The following PCDH7 variants were observed in gnomAD, a reference collection of about 807,000 sequenced individuals.
PCDH7 encodes the protein protocadherin 7.
A neutral mutation model predicts 58.9 loss-of-function variants in PCDH7; 17 were observed. The observed-to-expected ratio is 0.29, with a 90% CI of 0.20 to 0.43. PCDH7 has a LOEUF of 0.43. Ranked by LOEUF, PCDH7 falls within the 20% of genes least tolerant of loss-of-function variation. The pLI is 1.00. For synonymous variants in PCDH7, 664 were observed against 616.4 expected, an observed-to-expected ratio of 1.08 and a Z score of -1.14; for missense variants, 1,274 against 1,441.0, an observed-to-expected ratio of 0.88 and a Z score of 1.88.
chr4:30,781,161 T>G (rs1018453036), intron 1 of PCDH7, among the ~76,000 whole-genome samples: 2 of 152,116 alleles, frequency 1.3e-5, no homozygotes, highest in African/African-American at 4.8e-5. Context: ...GATTCCATGA[T>G]TTTAACAGCC....
chr4:30,830,265 A>G (rs1377348284), intron 1 of PCDH7, among the ~76,000 whole-genome samples: 7 of 152,102 alleles, frequency 4.6e-5, no homozygotes, highest in African/African-American at 1.7e-4. Flanking sequence ...TTGTTAATGT[A>G]TGCAAGAACC....
intron 3 of PCDH7, among the ~76,000 whole-genome samples, chr4:31,091,509 G>A (rs1713246750): frequency 6.6e-6 from 1 of 151,678 alleles, no homozygotes; most frequent in African/African-American, 2.4e-5. Context: ...AATTACTTAA[G>A]TTATCCTAAA....
At chr4:31,044,083 T>G (rs1182394484) in intron 3 of PCDH7, among the ~76,000 whole-genome samples, 1 of 152,146 alleles carries the variant, frequency 6.6e-6, no homozygotes, top group Non-Finnish European at 1.5e-5. Flanking sequence ...GGACAACTTC[T>G]GTTTATTTAA....
intron 2 of PCDH7, chr4:30,925,799 A>G (rs911530255): frequency 6.6e-6 from 1 of 152,212 alleles, no homozygotes; most frequent in African/African-American, 2.4e-5. Context: ...AACTCAACTA[A>G]TTAAAATGTG....
At chr4:30,975,817 C>T (rs1179222804) in intron 3 of PCDH7, among the ~76,000 whole-genome samples, 1 of 152,178 alleles carries the variant, frequency 6.6e-6, no homozygotes, top group Non-Finnish European at 1.5e-5. Flanking sequence ...CTCCCATATC[C>T]CTTTGAGTGT....
chr4:30,799,297 C>G (rs1343198877), intron 1 of PCDH7, among the ~76,000 whole-genome samples: 8 of 152,178 alleles, frequency 5.3e-5, no homozygotes, highest in Non-Finnish European at 1.2e-4. Flanking sequence ...TTCAGAATTC[C>G]TGTCCTATGA....
At chr4:30,980,697 C>A (rs1425623050) in intron 3 of PCDH7, among the ~76,000 whole-genome samples, 1 of 152,066 alleles carries the variant, frequency 6.6e-6, no homozygotes, top group Non-Finnish European at 1.5e-5. Flanking sequence ...ACATTTGAAA[C>A]AATTTCTGTC....
intron 3 of PCDH7, among the ~76,000 whole-genome samples, chr4:31,109,563 T>TA (rs1278071614): frequency 6.6e-6 from 1 of 152,218 alleles, no homozygotes; most frequent in East Asian, 1.9e-4. Context: ...TCATGACTGC[T>TA]ACCTCTAGGT....
Position 31,096,046 on chromosome 4 carries a change from C to T in PCDH7, c.*8-46427C>T, listed in dbSNP as rs1019036783. Among the ~76,000 whole-genome samples, 7 of 152,088 alleles carry T rather than the reference C, an allele frequency of 4.6e-5. No individual in the cohort carries two copies. In the East Asian group the frequency reaches 7.7e-4, roughly 17 times the overall value. ...AGCTGCTGTATTAACATTTCAGACC[C>T]CTAATAAGTGCTTAAGTGTTACAAT... On this transcript the variant is annotated intron_variant, in intron 3 of 3. Transcript: ENST00000509759.
chr4:30,971,232 A>G (rs955019349), intron 3 of PCDH7, among the ~76,000 whole-genome samples: 5 of 152,228 alleles, frequency 3.3e-5, no homozygotes, highest in Admixed American at 6.5e-5. Context: ...AATAAGCAGT[A>G]TCTTAAGAAC....
chr4:30,788,606 T>G (rs1723719296), intron 1 of PCDH7, among the ~76,000 whole-genome samples: 2 of 152,112 alleles, frequency 1.3e-5, no homozygotes, highest in Non-Finnish European at 2.9e-5. Flanking sequence ...TAAAAGATAA[T>G]GGGACATAAA....
At chr4:30,915,679 A>C (rs971235174) in intron 1 of PCDH7, among the ~76,000 whole-genome samples, 6 of 152,030 alleles carry the variant, frequency 3.9e-5, no homozygotes, top group African/African-American at 1.4e-4. Flanking sequence ...ATGTACCACC[A>C]CGTCCAGCTA....
chr4:31,026,725 A>C (rs138501899), intron 3 of PCDH7, among the ~76,000 whole-genome samples: 29 of 152,114 alleles, frequency 1.9e-4, no homozygotes, highest in African/African-American at 6.3e-4. Context: ...CCATAGAAAT[A>C]TGTTGCACTA....
chr4:30,971,049 C>T (rs937372282), intron 3 of PCDH7, among the ~76,000 whole-genome samples: 3 of 152,158 alleles, frequency 2.0e-5, no homozygotes, highest in African/African-American at 7.2e-5. Context: ...GAATCATCTA[C>T]TTTTTTAAAG....
intron 3 of PCDH7, among the ~76,000 whole-genome samples, chr4:31,036,194 T>C (rs1192074026): frequency 6.6e-6 from 1 of 152,168 alleles, no homozygotes; most frequent in Admixed American, 6.5e-5. Flanking sequence ...AGTTCTTTTT[T>C]TGTATTTTTG....
intron 1 of PCDH7, among the ~76,000 whole-genome samples, chr4:30,817,231 A>G (rs1727801410): frequency 6.6e-6 from 1 of 152,168 alleles, no homozygotes; most frequent in Non-Finnish European, 1.5e-5. Flanking sequence ...CACTTTTTGT[A>G]GCTTAGATTT....
At chr4:30,736,207 G>A (rs1020167147), downstream of PCDH7, among the ~76,000 whole-genome samples, 2 of 151,962 alleles carry the variant, frequency 1.3e-5, no homozygotes, top group African/African-American at 4.8e-5. Flanking sequence ...TTTCACTGTT[G>A]GAAGAAACTT....
At chr4:31,126,126 C>CG (rs1718267084) in intron 3 of PCDH7, among the ~76,000 whole-genome samples, 1 of 128,352 alleles carries the variant, frequency 7.8e-6, no homozygotes. Context: ...CATATCCTTT[C>CG]TTTTTTTTTT....
At chr4:30,827,554 A>T (rs2109327287) in intron 1 of PCDH7, among the ~76,000 whole-genome samples, 1 of 152,288 alleles carries the variant, frequency 6.6e-6, no homozygotes, top group African/African-American at 2.4e-5. Flanking sequence ...AAATAAAAGG[A>T]TAATTAAAGT....
Sources: gnomAD v4.1 joint callset for allele counts (sites outside exome capture counted in the v4.1 genomes callset) on GRCh38, gnomAD v4.1.1 for gene constraint, MANE v1.5 for transcripts, NCBI Gene and HGNC (gene_info 2026-07-23, HGNC 2026-07-21) for gene names.